Variants in DPY19L3 observed in about 807,000 individuals in gnomAD.
The protein encoded by DPY19L3 is dpy-19 like C-mannosyltransferase 3, also known as protein C-mannosyl-transferase DPY19L3.
DPY19L3 carries 51 observed loss-of-function variants against 92.3 expected under a neutral mutation model. That is an observed-to-expected ratio of 0.55 (90% CI 0.44 to 0.70). DPY19L3 has a LOEUF of 0.70. Among genes scored for constraint, DPY19L3 ranks in the 30% least tolerant of loss-of-function variants. The probability of loss-of-function intolerance (pLI) is 0.00; values close to 1 mark genes in which losing one functional copy is unlikely to be tolerated. For synonymous variants in DPY19L3, 309 were observed against 315.2 expected, an observed-to-expected ratio of 0.98 and a Z score of 0.21; for missense variants, 706 against 855.9, an observed-to-expected ratio of 0.82 and a Z score of 2.18.
At chr19:32,476,048 G>A (rs1447396429) in intron 16 of DPY19L3, among the ~76,000 whole-genome samples, 1 of 152,164 alleles carries the variant, frequency 6.6e-6, no homozygotes, top group African/African-American at 2.4e-5. Context: ...AGAAAATCTT[G>A]AATTTTTCAA....
intron 15 of DPY19L3, among the ~76,000 whole-genome samples, chr19:32,465,505 AT>A (rs377221238): frequency 5.9e-5 from 9 of 151,892 alleles, no homozygotes; most frequent in South Asian, 4.1e-4. Context: ...TTAAGTTTAT[AT>A]TTTTTTTCCT....
intron 15 of DPY19L3, chr19:32,467,542 G>A: frequency 1.0e-6 from 1 of 987,580 alleles, no homozygotes; most frequent in Non-Finnish European, 1.2e-6. Context: ...CAGGAGACAA[G>A]ATTTGAATGA....
At chr19:32,458,322 T>C in intron 11 of DPY19L3, 29 bp from the exon 12 acceptor site, 2 of 1,605,342 alleles carry the variant, frequency 1.2e-6, no homozygotes, top group Non-Finnish European at 1.7e-6. Flanking sequence ...ATATTGAATT[T>C]AATACTTTGC....
chr19:32,480,378 C>A, intron 17 of DPY19L3, 21 bp from the exon 18 acceptor site: 1 of 1,598,066 alleles, frequency 6.3e-7, no homozygotes, highest in Non-Finnish European at 8.5e-7. Flanking sequence ...TGCCACATTG[C>A]ATTTTTATGT....
At chr19:32,476,031 G>A (rs1235399513) in intron 16 of DPY19L3, among the ~76,000 whole-genome samples, 2 of 152,166 alleles carry the variant, frequency 1.3e-5, no homozygotes, top group Non-Finnish European at 2.9e-5. Flanking sequence ...GAGTGTCATT[G>A]TTAGAAAGAA....
intron 9 of DPY19L3, 49 bp downstream of exon 9, chr19:32,453,325 C>G: frequency 1.3e-6 from 2 of 1,544,008 alleles, no homozygotes; most frequent in Non-Finnish European, 1.7e-6. Flanking sequence ...TTTTTAATTG[C>G]GTGGTTTATT....
intron 17 of DPY19L3, among the ~76,000 whole-genome samples, chr19:32,478,320 T>C (rs1970574375): frequency 6.6e-6 from 1 of 152,096 alleles, no homozygotes. Context: ...GACACACGCC[T>C]TGAGATGTGC....
intron 8 of DPY19L3, among the ~76,000 whole-genome samples, chr19:32,448,005 A>G (rs533549113): frequency 1.6e-4 from 24 of 152,300 alleles, no homozygotes; most frequent in Non-Finnish European, 3.2e-4. Flanking sequence ...CTTAATGGAT[A>G]TAATTCACAT....
intron 3 of DPY19L3, 76 bp downstream of exon 3, chr19:32,411,448 A>G: frequency 6.6e-7 from 1 of 1,516,194 alleles, no homozygotes; most frequent in South Asian, 1.2e-5. Context: ...TGAATGACCA[A>G]GGCAACACAG....
Position 32,463,439 on chromosome 19 carries a change from A to G in DPY19L3, c.1396A>G (p.Asn466Asp). Residue 466 changes from asparagine (N) to aspartate (D), a missense_variant, in exon 13 of 19, where the codon AAC becomes GAC. Asn to Asp is a conservative substitution (Grantham distance 23). Transcript: ENST00000392250. ...TGACCTGAAACCAGAAACTGCCTAC[A>G]ACTTAATACATACCATTCTGTTTGG... Reference protein sequence around the residue: ...TVDLKPETAYNLIHTILFGFL... With the variant: ...TVDLKPETAYDLIHTILFGFL... The G allele has an allele frequency of 6.2e-7, 1 of 1,613,892 alleles. No individual in the cohort carries two copies. Among genetic ancestry groups the G allele is most frequent in the Non-Finnish European group, 8.5e-7 (1 of 1,179,836 alleles).
chr19:32,468,169 TCA>T, intron 15 of DPY19L3: 1 of 924,630 alleles, frequency 1.1e-6, no homozygotes, highest in Middle Eastern at 5.6e-4. Context: ...TCTCTGAGCC[TCA>T]GTTTCCACAC....
chr19:32,417,544 C>T (rs542107658), intron 3 of DPY19L3, among the ~76,000 whole-genome samples: 1 of 152,296 alleles, frequency 6.6e-6, no homozygotes, highest in South Asian at 2.1e-4. Context: ...TGATCTTGAA[C>T]TCCTGACCTT....
intron 17 of DPY19L3, among the ~76,000 whole-genome samples, chr19:32,478,310 GAC>G (rs1970573914): frequency 6.6e-6 from 1 of 152,226 alleles, no homozygotes; most frequent in East Asian, 1.9e-4. Flanking sequence ...GAACCGAGAA[GAC>G]ACACGCCTTG....
chr19:32,480,725 A>G, intron 18 of DPY19L3, 168 bp downstream of exon 18: 1 of 946,294 alleles, frequency 1.1e-6, no homozygotes. Flanking sequence ...TTGGCACTTT[A>G]GTGACTGCCA....
chr19:32,424,011 G>GA (rs112505140), intron 3 of DPY19L3, among the ~76,000 whole-genome samples: 40 of 146,434 alleles, frequency 2.7e-4, no homozygotes, highest in Admixed American at 1.0e-3. Flanking sequence ...AGACCATCTC[G>GA]AAAAAAAAAA....
rs1599663955 is a variant in DPY19L3 at position 32,464,872 on chromosome 19, A to G, written c.1614+88A>G. 6 of 913,310 alleles carry G rather than the reference A, an allele frequency of 6.6e-6. No individual in the cohort carries two copies. The South Asian group carries it at 1.3e-4, about 20-fold the overall frequency. 56.6% of individuals were successfully genotyped at this position (913,310 alleles called of 1,614,324 possible). On this transcript the variant is annotated intron_variant, in intron 15 of 18. Coordinates refer to ENST00000392250, the MANE Select transcript of DPY19L3 (RefSeq NM_001172774.2). ...ATATATTTTGTGTATTATTTGGCAAATAGAGTGGTTTGTGAAGGTTATAAA... is the reference window on the plus strand; with the variant it reads ...ATATATTTTGTGTATTATTTGGCAAGTAGAGTGGTTTGTGAAGGTTATAAA...
rs1159974112 is a variant in DPY19L3 at position 32,463,920 on chromosome 19, A to G, written c.1497A>G (p.Leu499=). 8 of 1,613,676 alleles carry G rather than the reference A, an allele frequency of 5.0e-6. No homozygotes were observed. The highest frequency in any genetic ancestry group is 1.1e-5 in the South Asian group (1 of 91,024). The change falls in exon 14 of 19, where the codon CTA becomes CTG. Residue 499 remains leucine, a synonymous_variant. Coordinates refer to ENST00000392250, the MANE Select transcript of DPY19L3 (RefSeq NM_001172774.2). The part of the protein sequence containing the change: ...SHMCVFASFG[L]CSPEIWELLL... ...TGTGTGTGTTCGCATCATTCGGCCT[A>G]TGTAGCCCTGAAATATGGGAGTTAC...
chr19:32,445,133 T>C (rs1444335909), intron 8 of DPY19L3, among the ~76,000 whole-genome samples: 1 of 149,764 alleles, frequency 6.7e-6, no homozygotes, highest in Non-Finnish European at 1.5e-5. Context: ...CCTAGTATTT[T>C]CAGATGCAGA....
intron 8 of DPY19L3, among the ~76,000 whole-genome samples, chr19:32,449,561 G>T (rs980401211): frequency 6.6e-6 from 1 of 152,226 alleles, no homozygotes; most frequent in Middle Eastern, 3.4e-3. Flanking sequence ...TGTGATACTA[G>T]CAGAAGAATT....
Sources: gnomAD v4.1 joint callset for allele counts (sites outside exome capture counted in the v4.1 genomes callset) on GRCh38, gnomAD v4.1.1 for gene constraint, MANE v1.5 for transcripts, NCBI Gene and HGNC (gene_info 2026-07-23, HGNC 2026-07-21) for gene names.